Variants in MYO5A observed in about 807,000 individuals in gnomAD.
The protein encoded by MYO5A is unconventional myosin-Va.
In MYO5A, 98 loss-of-function variants were observed where a neutral mutation model predicts 249.7. That is an observed-to-expected ratio of 0.39 (90% confidence interval 0.33 to 0.46). The LOEUF is 0.46. Among genes scored for constraint, MYO5A ranks in the 20% least tolerant of loss-of-function variants. The pLI, the probability that MYO5A is intolerant of heterozygous loss-of-function variation, is 0.98. For missense variants in MYO5A, 1,696 were observed against 2,308.8 expected, an observed-to-expected ratio of 0.73 and a Z score of 5.44; for synonymous variants, 778 against 810.6, an observed-to-expected ratio of 0.96 and a Z score of 0.68.
At chr15:52,420,045 C>T (rs190970088) in intron 4 of MYO5A, among the ~76,000 whole-genome samples, 1 of 152,240 alleles carries the variant, frequency 6.6e-6, no homozygotes, top group East Asian at 1.9e-4. Context: ...GTGGCTCACG[C>T]CTGTAATCCC....
intron 38 of MYO5A, among the ~76,000 whole-genome samples, chr15:52,320,489 C>A (rs910215369): frequency 4.6e-5 from 7 of 152,128 alleles, no homozygotes; most frequent in African/African-American, 1.4e-4. Flanking sequence ...TGTGTTACCT[C>A]CTAAATTTTT....
intron 16 of MYO5A, among the ~76,000 whole-genome samples, chr15:52,381,695 T>C (rs554442508): frequency 1.3e-5 from 2 of 152,156 alleles, no homozygotes; most frequent in East Asian, 3.9e-4. Context: ...AAAGGGAAAG[T>C]GTTCACAATC....
intron 4 of MYO5A, among the ~76,000 whole-genome samples, chr15:52,419,308 G>A (rs1188113737): frequency 6.6e-6 from 1 of 152,180 alleles, no homozygotes; most frequent in Non-Finnish European, 1.5e-5. Context: ...GTTAAAAAGA[G>A]AAAATATTAA....
chr15:52,403,919 T>C (rs907841987), intron 9 of MYO5A, among the ~76,000 whole-genome samples: 19 of 152,136 alleles, frequency 1.2e-4, no homozygotes, highest in African/African-American at 3.9e-4. Flanking sequence ...AAGCTTTCTG[T>C]AAACCAAACT....
At chr15:52,500,889 T>C (rs1433553372) in intron 1 of MYO5A, among the ~76,000 whole-genome samples, 2 of 152,112 alleles carry the variant, frequency 1.3e-5, no homozygotes, top group Non-Finnish European at 2.9e-5. Flanking sequence ...GGCATCTCAA[T>C]TCTAAAAGCA....
rs1409014713 is a variant in MYO5A, at chr15:52,379,981, G to A, written c.2013-73C>T. On this transcript the variant is annotated intron_variant, in intron 16 of 41. Coordinates refer to ENST00000399233, the MANE Select transcript of MYO5A (RefSeq NM_001382347.1). ...GGCCACAAATTACTCTCCTCAGTCAGGGTGTAAATTCTTTCGTAAGAGCAA... is the reference window on the plus strand; with the variant it reads ...GGCCACAAATTACTCTCCTCAGTCAAGGTGTAAATTCTTTCGTAAGAGCAA... The A allele has an allele frequency of 2.0e-6, 3 of 1,491,544 alleles. No individual in the cohort carries two copies. The African/African-American group carries it at 4.1e-5, about 21-fold the overall frequency. The allele number at this position is 1,491,544 out of a possible 1,614,324, so 92.4% of individuals were successfully genotyped here. A position where few individuals can be genotyped will look rare whatever the true frequency, so the allele number is the denominator to read the frequency against.
At chr15:52,457,765 A>T (rs900198778) in intron 1 of MYO5A, among the ~76,000 whole-genome samples, 1 of 152,234 alleles carries the variant, frequency 6.6e-6, no homozygotes. Flanking sequence ...CTGGGTATTT[A>T]TTCAAGGGAA....
chr15:52,315,813 G>A (rs866372032), intron 40 of MYO5A, among the ~76,000 whole-genome samples: 3 of 150,410 alleles, frequency 2.0e-5, no homozygotes, highest in African/African-American at 4.9e-5. Flanking sequence ...CACCATGCCC[G>A]GCTAATTTTT....
chr15:52,354,467 G>A lies in MYO5A; in HGVS notation c.3424-453C>T, dbSNP rs115789725. Among the ~76,000 whole-genome samples, 955 of 152,160 alleles carry A rather than the reference G, an allele frequency of 6.3e-3. 9 individuals are homozygous for A. The highest frequency in any genetic ancestry group is 0.022 in the African/African-American group (917 of 41,518). ...ATTGAAGCATTTTTTTTGTAATTGC[G>A]AAAAACTGACAATAATCTGAATGTC... On this transcript the variant is annotated intron_variant, in intron 25 of 41. Coordinates refer to ENST00000399233, the MANE Select transcript of MYO5A (RefSeq NM_001382347.1).
rs758934163 is a variant in MYO5A at position 52,323,462 on chromosome 15, T to C, written c.4711-18A>G. 1 of 1,595,698 alleles carries C rather than the reference T, an allele frequency of 6.3e-7. No homozygotes were observed. The highest frequency in any genetic ancestry group is 8.6e-7 in the Non-Finnish European group (1 of 1,163,822). On this transcript the variant is annotated intron_variant, in intron 36 of 41. Transcript: ENST00000399233. ...CCTCTTTTCTGAAAGAGAGAATAAG[T>C]CTAAACTTGCCTTTTCCTTAGGGAA...
intron 1 of MYO5A, among the ~76,000 whole-genome samples, chr15:52,455,546 T>C (rs539424497): frequency 2.6e-5 from 4 of 152,098 alleles, no homozygotes; most frequent in Admixed American, 2.6e-4. Flanking sequence ...TGAATACAGA[T>C]GCAAAAATTC....
rs1394875492 is a variant in MYO5A, at chr15:52,340,344, G to A, written c.4091C>T (p.Ala1364Val). 1 of 1,613,912 alleles carries A rather than the reference G, an allele frequency of 6.2e-7. No individual in the cohort carries two copies. Among genetic ancestry groups the A allele is most frequent in the Non-Finnish European group, 8.5e-7 (1 of 1,180,030 alleles). The change falls in exon 32 of 42, where the codon GCC becomes GTC. Residue 1364 changes from alanine (A) to valine (V), a missense_variant. By Grantham distance (64) the Ala-to-Val change is moderately conservative (BLOSUM62 0). This residue lies in a region of MYO5A where 625 missense variants were observed against 908.1 expected (regional missense o/e 0.69). Transcript: ENST00000399233. ...QSQKRSHENE[A>V]EALRGEIQSL... is the part of the protein sequence containing the mutation. ...CTGGATCTCCCCACGGAGGGCCTCG[G>A]CCTCATTCTCATGGCTCCTCTTCTG...
intron 21 of MYO5A, among the ~76,000 whole-genome samples, chr15:52,371,661 G>A (rs185854158): frequency 3.6e-4 from 55 of 152,224 alleles, no homozygotes; most frequent in Non-Finnish European, 6.2e-4. Context: ...GCTGAGGCAG[G>A]AGGATTGCTT....
chr15:52,513,336 CAGG>C (rs1566872419), intron 1 of MYO5A, among the ~76,000 whole-genome samples: 1 of 150,156 alleles, frequency 6.7e-6, no homozygotes, highest in East Asian at 2.0e-4. Flanking sequence ...GAGGCTGAGG[CAGG>C]AGAATAGCCT....
At chr15:52,343,513 G>A (rs1008588617) in intron 30 of MYO5A, among the ~76,000 whole-genome samples, 17 of 152,206 alleles carry the variant, frequency 1.1e-4, no homozygotes, top group African/African-American at 3.9e-4. Flanking sequence ...AGCTAGCAAA[G>A]TGATCTAATA....
chr15:52,414,555 CACAG>C, intron 5 of MYO5A, among the ~76,000 whole-genome samples: 1 of 152,184 alleles, frequency 6.6e-6, no homozygotes, highest in Non-Finnish European at 1.5e-5. Context: ...AAGTTATCTT[CACAG>C]ACAACTTCAA....
chr15:52,399,781 G>A (rs1223305209), intron 9 of MYO5A, among the ~76,000 whole-genome samples: 2 of 152,062 alleles, frequency 1.3e-5, no homozygotes, highest in Admixed American at 1.3e-4. Flanking sequence ...TAGGTAGTGT[G>A]CATAGCTGCC....
At chr15:52,485,085 G>A (rs1474810856) in intron 1 of MYO5A, among the ~76,000 whole-genome samples, 1 of 152,066 alleles carries the variant, frequency 6.6e-6, no homozygotes, top group Non-Finnish European at 1.5e-5. Flanking sequence ...CAGTAAGGCA[G>A]AGTTAATAAT....
At chr15:52,447,925 G>T (rs1595702066) in intron 1 of MYO5A, among the ~76,000 whole-genome samples, 1 of 152,230 alleles carries the variant, frequency 6.6e-6, no homozygotes, top group South Asian at 2.1e-4. Context: ...GAAAAGCCTG[G>T]AAGTCCACAC....
Sources: gnomAD v4.1 joint callset for allele counts (sites outside exome capture counted in the v4.1 genomes callset) on GRCh38, gnomAD v4.1.1 for gene constraint, gnomAD v4.1.1 regional missense constraint, MANE v1.5 for transcripts, NCBI Gene and HGNC (gene_info 2026-07-23, HGNC 2026-07-21) for gene names.